The following TMEM266 variants were observed in gnomAD, a reference collection of about 807,000 sequenced individuals.
TMEM266 encodes transmembrane protein 266.
A neutral mutation model predicts 50.5 loss-of-function variants in TMEM266; 33 were observed. The ratio of observed to expected loss-of-function variants is 0.65; its 90% CI spans 0.50 to 0.87. The LOEUF is 0.87. TMEM266 is among the 40% of genes least tolerant of loss of function. The pLI, the probability that TMEM266 is intolerant of heterozygous loss-of-function variation, is 0.00. For synonymous variants in TMEM266, 310 were observed against 292.3 expected (o/e 1.06, Z -0.62); for missense variants, 655 against 695.1 (o/e 0.94, Z 0.65).
intron 3 of TMEM266, among the ~76,000 whole-genome samples, chr15:76,152,096 G>A (rs1354732822): frequency 6.6e-6 from 1 of 152,118 alleles, no homozygotes; most frequent in Non-Finnish European, 1.5e-5. Context: ...ATGGCTCCCT[G>A]CTCCAAGGCA....
At chr15:76,130,983 T>TG (rs1473518939) in intron 1 of TMEM266, among the ~76,000 whole-genome samples, 1 of 152,234 alleles carries the variant, frequency 6.6e-6, no homozygotes, top group Non-Finnish European at 1.5e-5. Context: ...GAGTTTTGTA[T>TG]TTTTTAAATT....
intron 1 of TMEM266, among the ~76,000 whole-genome samples, chr15:76,075,579 C>T (rs1338305393): frequency 1.3e-5 from 2 of 152,154 alleles, no homozygotes; most frequent in East Asian, 3.9e-4. Context: ...GGCAATTCTC[C>T]CTCATTTTGT....
intron 8 of TMEM266, among the ~76,000 whole-genome samples, chr15:76,184,939 T>C (rs1234217991): frequency 6.6e-6 from 1 of 152,204 alleles, no homozygotes; most frequent in Non-Finnish European, 1.5e-5. Context: ...ATGGTCTTTT[T>C]TTCCCACCGG....
At chr15:76,199,663 C>T (rs1479813507) in intron 9 of TMEM266, among the ~76,000 whole-genome samples, 1 of 152,180 alleles carries the variant, frequency 6.6e-6, no homozygotes, top group Non-Finnish European at 1.5e-5. Flanking sequence ...GGGCACTTGG[C>T]ACAGTCTATT....
At chr15:76,193,256 G>T (rs1465813072) in intron 9 of TMEM266, among the ~76,000 whole-genome samples, 1 of 151,902 alleles carries the variant, frequency 6.6e-6, no homozygotes, top group East Asian at 1.9e-4. Context: ...TTTGGAGACA[G>T]GGTCTCACTC....
intron 9 of TMEM266, among the ~76,000 whole-genome samples, chr15:76,193,157 G>A (rs1048519392): frequency 2.0e-5 from 3 of 152,328 alleles, no homozygotes; most frequent in South Asian, 2.1e-4. Flanking sequence ...CAGGACTTAC[G>A]AGGAACCGAT....
chr15:76,133,746 A>G (rs974606585), intron 1 of TMEM266, among the ~76,000 whole-genome samples: 2 of 152,244 alleles, frequency 1.3e-5, no homozygotes, highest in Admixed American at 6.5e-5. Flanking sequence ...AGACAGAACT[A>G]CTGGAAGGGA....
chr15:76,202,416 C>CA, intron 10 of TMEM266, 152 bp downstream of exon 10: 1 of 709,202 alleles, frequency 1.4e-6, no homozygotes, highest in South Asian at 2.2e-5. Context: ...ATCGGAGCTT[C>CA]AGCTTCCAGC....
chr15:76,134,384 A>G, intron 2 of TMEM266, 83 bp downstream of exon 2: 1 of 1,460,768 alleles, frequency 6.8e-7, no homozygotes, highest in Non-Finnish European at 9.6e-7. Flanking sequence ...TAATTTAGGC[A>G]GCCACTATGT....
At chr15:76,093,370 T>C (rs1403018060) in intron 1 of TMEM266, among the ~76,000 whole-genome samples, 1 of 150,986 alleles carries the variant, frequency 6.6e-6, no homozygotes, top group Non-Finnish European at 1.5e-5. Context: ...CTCCCACTTA[T>C]GAGTGAGAAC....
At chr15:76,128,522 C>G (rs535705067) in intron 1 of TMEM266, among the ~76,000 whole-genome samples, 1 of 152,310 alleles carries the variant, frequency 6.6e-6, no homozygotes, top group South Asian at 2.1e-4. Context: ...TCCACTTTTA[C>G]CAGGTTTATG....
intron 3 of TMEM266, among the ~76,000 whole-genome samples, chr15:76,138,562 A>G (rs1266010938): frequency 6.6e-6 from 1 of 152,210 alleles, no homozygotes; most frequent in African/African-American, 2.4e-5. Context: ...GATGGACTTG[A>G]GCTGCACTTT....
intron 1 of TMEM266, among the ~76,000 whole-genome samples, chr15:76,095,264 T>G (rs2036907067): frequency 6.6e-6 from 1 of 152,026 alleles, no homozygotes; most frequent in Non-Finnish European, 1.5e-5. Flanking sequence ...CATAAATAGC[T>G]CTTATTATTT....
chr15:76,118,135 T>G (rs2935966), intron 1 of TMEM266, among the ~76,000 whole-genome samples: 6,794 of 152,326 alleles, frequency 0.045, 488 homozygotes, highest in African/African-American at 0.15. Flanking sequence ...CTTTTTGATT[T>G]TGCGGCCCAC....
intron 1 of TMEM266, among the ~76,000 whole-genome samples, chr15:76,085,812 C>T (rs1242085538): frequency 1.3e-5 from 2 of 152,020 alleles, no homozygotes; most frequent in African/African-American, 2.4e-5. Flanking sequence ...TTTGGGAGGC[C>T]GAGGTGGGCG....
chr15:76,132,566 C>A (rs28505386), intron 1 of TMEM266, among the ~76,000 whole-genome samples: 10 of 145,014 alleles, frequency 6.9e-5, no homozygotes, highest in African/African-American at 2.5e-4. Flanking sequence ...GAGGCCGAGG[C>A]GGGCGGATCA....
intron 1 of TMEM266, among the ~76,000 whole-genome samples, chr15:76,081,895 C>T (rs775084516): frequency 1.5e-4 from 23 of 152,310 alleles, no homozygotes; most frequent in South Asian, 1.0e-3. Flanking sequence ...AACAATGCCT[C>T]TCCCAGCAGT....
chr15:76,073,296 G>A (rs775375124), intron 1 of TMEM266, among the ~76,000 whole-genome samples: 1 of 149,876 alleles, frequency 6.7e-6, no homozygotes, highest in Non-Finnish European at 1.5e-5. Flanking sequence ...GCAGTGGTGC[G>A]ATCTCGGCTC....
intron 9 of TMEM266, among the ~76,000 whole-genome samples, chr15:76,194,018 ACTG>A (rs1482881665): frequency 1.3e-5 from 2 of 151,194 alleles, no homozygotes; most frequent in South Asian, 2.1e-4. Context: ...GGTGGCCACT[ACTG>A]CTTTTTTTTT....
Sources: gnomAD v4.1 joint callset for allele counts (sites outside exome capture counted in the v4.1 genomes callset) on GRCh38, gnomAD v4.1.1 for gene constraint, MANE v1.5 for transcripts, NCBI Gene and HGNC (gene_info 2026-07-23, HGNC 2026-07-21) for gene names.